The following CEP72 variants were observed in gnomAD, a reference collection of about 807,000 sequenced individuals.
CEP72 encodes the protein centrosomal protein 72.
In CEP72, 78 loss-of-function variants were observed where a neutral mutation model predicts 65.7. The observed-to-expected ratio is 1.19, with a 90% CI of 0.99 to 1.43. The LOEUF (loss-of-function observed/expected upper bound fraction) is 1.43. Ranked by LOEUF, CEP72 falls within the 40% of genes most tolerant of loss-of-function variation. CEP72 has a pLI of 0.00. For synonymous variants in CEP72, 358 were observed against 351.7 expected (o/e 1.02, Z -0.20); for missense variants, 914 against 832.9 (o/e 1.10, Z -1.20).
In CEP72 at chr5:619,055, C is replaced by T; in HGVS notation, c.148C>T (p.Leu50=). The T allele has an allele frequency of 3.1e-6, 5 of 1,613,592 alleles. No individual in the cohort carries two copies. Among genetic ancestry groups the T allele is most frequent in the African/African-American group, 1.3e-5 (1 of 75,056 alleles). Residue 50 remains leucine, a synonymous_variant, in exon 2 of 12, where the codon CTG becomes TTG. Coordinates refer to ENST00000264935, the MANE Select transcript of CEP72 (RefSeq NM_018140.4). The stretch of plus-strand genomic sequence containing the variant: ...GAAGATCACCCACCTGGGACATTCT[C>T]TGATGAGTTTAACAGGTCTGAAATC... ...QEKITHLGHS[L]MSLTGLKSLD...
chr5:635,905 G>A (rs1191873913), intron 6 of CEP72, among the ~76,000 whole-genome samples: 4 of 151,950 alleles, frequency 2.6e-5, no homozygotes, highest in Non-Finnish European at 4.4e-5. Context: ...CCAGCCCTGC[G>A]ATACAGCATT....
intron 1 of CEP72, among the ~76,000 whole-genome samples, chr5:618,276 GCTGATATTC>G (rs1561024720): frequency 6.6e-6 from 1 of 152,216 alleles, no homozygotes; most frequent in Non-Finnish European, 1.5e-5. Flanking sequence ...GCTCGTCAGT[GCTGATATTC>G]CAACTCCAAA....
downstream of CEP72, among the ~76,000 whole-genome samples, chr5:671,126 C>T (rs538425993): frequency 2.0e-4 from 31 of 152,202 alleles, no homozygotes; most frequent in Non-Finnish European, 3.8e-4. Flanking sequence ...GTCTGGCTAC[C>T]GAAGGCTCCC....
At chr5:629,479 T>TG (rs1737067148) in intron 4 of CEP72, among the ~76,000 whole-genome samples, 1 of 130,696 alleles carries the variant, frequency 7.7e-6, no homozygotes, top group Non-Finnish European at 1.6e-5. Context: ...CTGGTGGGGT[T>TG]CTGTCCAGTG....
chr5:670,300 G>A (rs774479242), downstream of CEP72, among the ~76,000 whole-genome samples: 20 of 152,226 alleles, frequency 1.3e-4, no homozygotes, highest in African/African-American at 2.9e-4. Context: ...GGGGGCCGGC[G>A]GGCGAGGTGA....
rs1021008241 is a variant in CEP72, at chr5:612,848, G to A, written c.82+405G>A. 3.3e-5 allele frequency among the ~76,000 whole-genome samples: 5 copies of A among 152,338 alleles called. No individual in the cohort carries two copies. In the South Asian group the frequency reaches 1.0e-3, roughly 32 times the overall value. On this transcript the variant is annotated intron_variant, in intron 1 of 11. Coordinates refer to ENST00000264935, the MANE Select transcript of CEP72 (RefSeq NM_018140.4). ...GCCTTCTTGAGGATGTTGGTGGCCG[G>A]TTTCCTTCTTTTTGGCTTATTTTTG...
chr5:626,873 C>T (rs935917244), intron 4 of CEP72, among the ~76,000 whole-genome samples: 10 of 152,142 alleles, frequency 6.6e-5, no homozygotes, highest in Admixed American at 2.6e-4. Context: ...AGAATAAATC[C>T]TGCCTGATTG....
At chr5:627,236 A>T (rs1275051927) in intron 4 of CEP72, among the ~76,000 whole-genome samples, 1 of 152,196 alleles carries the variant, frequency 6.6e-6, no homozygotes, top group Non-Finnish European at 1.5e-5. Flanking sequence ...TGGTCGTCTC[A>T]TCTGAGTTGT....
At chr5:671,131 G>A (rs1295565144), downstream of CEP72, among the ~76,000 whole-genome samples, 1 of 152,162 alleles carries the variant, frequency 6.6e-6, no homozygotes, top group Non-Finnish European at 1.5e-5. Flanking sequence ...GCTACCGAAG[G>A]CTCCCCCCTG....
intron 4 of CEP72, among the ~76,000 whole-genome samples, chr5:632,923 G>C (rs1378921286): frequency 9.3e-6 from 1 of 107,238 alleles, no homozygotes; most frequent in Admixed American, 8.9e-5. Flanking sequence ...TCCAGTGCCG[G>C]GATTTGGACC....
intron 9 of CEP72, among the ~76,000 whole-genome samples, chr5:643,941 C>T (rs1201465766): frequency 1.3e-5 from 2 of 152,244 alleles, no homozygotes; most frequent in Non-Finnish European, 2.9e-5. Flanking sequence ...TCCGTGAGGG[C>T]GTCCTGGAAG....
chr5:615,744 T>C (rs1394993837), intron 1 of CEP72, among the ~76,000 whole-genome samples: 2 of 152,222 alleles, frequency 1.3e-5, no homozygotes, highest in Non-Finnish European at 2.9e-5. Flanking sequence ...TTTTCTTCTG[T>C]TTCCCTTTTC....
chr5:615,131 C>T (rs1735909110), intron 1 of CEP72, among the ~76,000 whole-genome samples: 2 of 110,666 alleles, frequency 1.8e-5, no homozygotes, highest in Non-Finnish European at 1.9e-5. Context: ...ATGTAGTCTT[C>T]CTCTTTTTTT....
rs1340782241 is a variant in CEP72 at position 619,068 on chromosome 5, C to T, written c.161C>T (p.Thr54Ile). 1 of 1,613,752 alleles carries T rather than the reference C, an allele frequency of 6.2e-7. No homozygotes were observed. The highest frequency in any genetic ancestry group is 8.5e-7 in the Non-Finnish European group (1 of 1,179,654). The change falls in exon 2 of 12, where the codon ACA (threonine) becomes ATA (isoleucine). Residue 54 changes from threonine to isoleucine, a missense_variant. By Grantham distance (89) the Thr-to-Ile change is moderately conservative (BLOSUM62 -1). Transcript: ENST00000264935. ...THLGHSLMSL[T>I]GLKSLDLSRN... ...CTGGGACATTCTCTGATGAGTTTAA[C>T]AGGTCTGAAATCTTTGGATCTCTCG...
At chr5:667,437 T>C (rs981304508), downstream of CEP72, among the ~76,000 whole-genome samples, 3 of 152,124 alleles carry the variant, frequency 2.0e-5, no homozygotes, top group Admixed American at 2.0e-4. Flanking sequence ...TAGATGACGG[T>C]CCTAATTATG....
chr5:644,354 C>T lies in CEP72; in HGVS notation c.1595C>T (p.Ser532Leu), dbSNP rs752784783. ...KSLEENSRLK[S>L]LLLSMKKEVK... is the part of the protein sequence containing the mutation. ...TTGGAAGAGAACAGTAGGTTAAAAT[C>T]GCTTTTGTTGAGTATGAAAAAGGAA... The change falls in exon 10 of 12, where the codon TCG becomes TTG. Residue 532 changes from serine (S) to leucine (L), a missense_variant. Coordinates refer to ENST00000264935, the MANE Select transcript of CEP72 (RefSeq NM_018140.4). 28 of 1,613,696 alleles carry T rather than the reference C, an allele frequency of 1.7e-5. No homozygotes were observed. The highest frequency in any genetic ancestry group is 6.7e-5 in the African/African-American group (5 of 74,926).
the CEP72 span, among the ~76,000 whole-genome samples, chr5:675,042 A>ACC: frequency 3.0e-5 from 1 of 33,654 alleles, no homozygotes. Context: ...TGAGGGGGGT[A>ACC]CAGTATGGCT....
intron 10 of CEP72, among the ~76,000 whole-genome samples, chr5:646,342 G>A (rs994152892): frequency 1.5e-4 from 23 of 152,106 alleles, no homozygotes; most frequent in African/African-American, 3.9e-4. Flanking sequence ...TTTTTGTCTC[G>A]TAGGGATGTT....
At position 623,847 on chromosome 5, in the gene CEP72, C is replaced by G. The variant is rs1736559017; in HGVS notation, c.404-624C>G. ...TACTCACTCATTTCTTACAGTGATT[C>G]TGTAGTTTTTGGGGCGTGCTGTAGG... On this transcript the variant is annotated intron_variant, in intron 3 of 11. Coordinates refer to ENST00000264935, the MANE Select transcript of CEP72 (RefSeq NM_018140.4). This position sits in a 1 kb window ranked among gnomAD's most constrained non-coding sequence, Gnocchi z 5.3. Among the ~76,000 whole-genome samples the G allele has an allele frequency of 6.6e-6, 1 of 152,136 alleles. No individual in the cohort carries two copies. The highest frequency in any genetic ancestry group is 2.1e-4 in the South Asian group (1 of 4,826).
Sources: allele counts gnomAD v4.1 joint callset (sites outside exome capture counted in the v4.1 genomes callset), GRCh38; gene constraint gnomAD v4.1.1; non-coding constraint Gnocchi (gnomAD v3.1); transcripts MANE v1.5; gene names NCBI Gene and HGNC (gene_info 2026-07-23, HGNC 2026-07-21).